Variants in GRM1 observed in about 807,000 individuals in gnomAD.
GRM1 encodes the protein glutamate metabotropic receptor 1, also known as metabotropic glutamate receptor 1.
GRM1 carries 33 observed loss-of-function variants against 90.9 expected under a neutral mutation model. That is an observed-to-expected ratio of 0.36 (90% CI 0.28 to 0.49). The LOEUF (loss-of-function observed/expected upper bound fraction) is 0.49, where lower values mean the gene tolerates loss of function less well. GRM1 is among the 20% of genes least tolerant of loss of function. The probability of loss-of-function intolerance (pLI) is 0.99; values close to 1 mark genes in which losing one functional copy is unlikely to be tolerated. For missense variants in GRM1, 1,190 were observed against 1,534.3 expected (o/e 0.78, Z 3.75); for synonymous variants, 700 against 613.2 (o/e 1.14, Z -2.09).
chr6:146,029,966 G>T lies in GRM1; in HGVS notation c.449G>T (p.Gly150Val). 1.2e-6 allele frequency: 2 copies of T among 1,614,156 alleles called. No individual in the cohort carries two copies. The highest frequency in any genetic ancestry group is 1.7e-6 in the Non-Finnish European group (2 of 1,180,024). The change falls in exon 1 of 8, where the codon GGC becomes GTC. Residue 150 changes from glycine to valine, a missense_variant. This residue lies in a region of GRM1 where 91 missense variants were observed against 95.6 expected (regional missense o/e 0.95). Coordinates refer to ENST00000282753, the MANE Select transcript of GRM1 (RefSeq NM_001278064.2). The stretch of plus-strand genomic sequence containing the variant: ...CCTGACGGCCAGTCCCTCCCCCCAG[G>T]CAGGACTAAGAAGCCCATTGCGGGA... ...CLPDGQSLPP[G>V]RTKKPIAGVI...
At chr6:146,267,737 T>A (rs1470945045) in intron 2 of GRM1, among the ~76,000 whole-genome samples, 1 of 150,746 alleles carries the variant, frequency 6.6e-6, no homozygotes, top group Non-Finnish European at 1.5e-5. Flanking sequence ...TCTCGTCTCG[T>A]CTCGTCTCGT....
chr6:146,089,196 G>A (rs1443588112), intron 1 of GRM1, among the ~76,000 whole-genome samples: 1 of 152,112 alleles, frequency 6.6e-6, no homozygotes, highest in Non-Finnish European at 1.5e-5. Flanking sequence ...ATCTGGCAAG[G>A]CACTGTGGAC....
Position 146,368,270 on chromosome 6 carries a change from G to C in GRM1, c.1602+10576G>C, listed in dbSNP as rs538905611. Among the ~76,000 whole-genome samples, 47 of 117,210 alleles carry C rather than the reference G, an allele frequency of 4.0e-4. 1 individual carries two copies. The highest frequency in any genetic ancestry group is 1.5e-3 in the Admixed American group (17 of 11,270). The allele number at this position is 117,210 out of a possible 152,430, so 76.9% of individuals were successfully genotyped here. A position where few individuals can be genotyped will look rare whatever the true frequency, so the allele number is the denominator to read the frequency against. On this transcript the variant is annotated intron_variant, in intron 5 of 7. Coordinates refer to ENST00000282753, the MANE Select transcript of GRM1 (RefSeq NM_001278064.2). ...TCTACAGTTTTTTTTTGGGGGGGGGGGTAGAATCTTTAGATTTTTCTAAAT... is the reference window on the plus strand; with the variant it reads ...TCTACAGTTTTTTTTTGGGGGGGGGCGTAGAATCTTTAGATTTTTCTAAAT...
intron 7 of GRM1, among the ~76,000 whole-genome samples, chr6:146,423,771 T>C (rs1047709750): frequency 3.9e-5 from 6 of 152,278 alleles, no homozygotes; most frequent in African/African-American, 1.2e-4. Context: ...CCCTTGTTTT[T>C]ATCATTAGAC....
Position 146,213,721 on chromosome 6 carries a change from T to TAGAG in GRM1, c.950+54127_950+54128insGAGA, listed in dbSNP as rs201951540. Among the ~76,000 whole-genome samples, 1,259 of 148,984 alleles carry TAGAG rather than the reference T, an allele frequency of 8.5e-3. 15 individuals are homozygous for TAGAG. The highest frequency in any genetic ancestry group is 0.021 in the Admixed American group (323 of 15,070). On this transcript the variant is annotated intron_variant, in intron 2 of 7. Coordinates refer to ENST00000282753, the MANE Select transcript of GRM1 (RefSeq NM_001278064.2). The stretch of plus-strand genomic sequence containing the variant: ...ATAGATAGATAGATAGATAGATAGA[T>TAGAG]AGATAGATAGATAGATGGATGAAAG...
At chr6:146,205,243 G>A (rs978558746) in intron 2 of GRM1, among the ~76,000 whole-genome samples, 8 of 152,064 alleles carry the variant, frequency 5.3e-5, no homozygotes, top group Non-Finnish European at 8.8e-5. Context: ...TTTCCACAAA[G>A]CTAATTTCTT....
intron 7 of GRM1, among the ~76,000 whole-genome samples, chr6:146,402,939 A>G (rs1777209646): frequency 6.6e-6 from 1 of 152,152 alleles, no homozygotes; most frequent in Non-Finnish European, 1.5e-5. Flanking sequence ...AGTTATTTAT[A>G]ATCAGAAGTC....
intron 2 of GRM1, among the ~76,000 whole-genome samples, chr6:146,225,589 T>G (rs999144254): frequency 6.6e-6 from 1 of 152,152 alleles, no homozygotes; most frequent in African/African-American, 2.4e-5. Flanking sequence ...TAAAATAGTT[T>G]CCCATTTTAA....
At chr6:146,232,591 C>T (rs939008203) in intron 2 of GRM1, among the ~76,000 whole-genome samples, 6 of 151,962 alleles carry the variant, frequency 3.9e-5, no homozygotes, top group African/African-American at 9.7e-5. Context: ...TGACTGTAGT[C>T]ACCCTGTTGT....
At chr6:146,150,890 T>A (rs1173867473) in intron 1 of GRM1, among the ~76,000 whole-genome samples, 5 of 151,892 alleles carry the variant, frequency 3.3e-5, no homozygotes, top group Non-Finnish European at 7.4e-5. Context: ...GTTTCACTAT[T>A]TATTGGCTGA....
At chr6:146,159,808 A>G (rs1583089790) in intron 2 of GRM1, 3 of 554,356 alleles carry the variant, frequency 5.4e-6, no homozygotes, top group East Asian at 6.4e-5. Context: ...CAACAGCAGA[A>G]CAAGGCTCAG....
rs1219633081 is a variant in GRM1 at position 146,313,826 on chromosome 6, T to A, written c.1186+8980T>A. Among the ~76,000 whole-genome samples the A allele has an allele frequency of 3.3e-5, 5 of 152,234 alleles. No homozygotes were observed. In the East Asian group the frequency reaches 9.6e-4, roughly 29 times the overall value. ...CTGAACATATTGCTTCTCAAATTCC[T>A]TTGTGCCTCATTGAAAATCCCTCTC... On this transcript the variant is annotated intron_variant, in intron 3 of 7. Coordinates refer to ENST00000282753, the MANE Select transcript of GRM1 (RefSeq NM_001278064.2).
At chr6:146,071,728 C>T (rs1019617862) in intron 1 of GRM1, among the ~76,000 whole-genome samples, 4 of 152,116 alleles carry the variant, frequency 2.6e-5, no homozygotes, top group African/African-American at 9.7e-5. Flanking sequence ...GACTGTGATA[C>T]AGTCATGATA....
At chr6:146,360,998 T>C (rs141772920) in intron 5 of GRM1, among the ~76,000 whole-genome samples, 2 of 152,304 alleles carry the variant, frequency 1.3e-5, no homozygotes, top group Non-Finnish European at 2.9e-5. Context: ...GGGAGAGGAA[T>C]GAAAGTGTTC....
At chr6:146,257,130 A>G (rs1393217692) in intron 2 of GRM1, among the ~76,000 whole-genome samples, 1 of 152,058 alleles carries the variant, frequency 6.6e-6, no homozygotes, top group East Asian at 1.9e-4. Context: ...CTCTATCCCC[A>G]TTCTGATATA....
chr6:146,392,460 A>G (rs1192928355), intron 6 of GRM1, among the ~76,000 whole-genome samples: 1 of 152,172 alleles, frequency 6.6e-6, no homozygotes, highest in Non-Finnish European at 1.5e-5. Context: ...ATCTTTTCAA[A>G]TATCTAAACT....
chr6:146,306,456 A>G (rs1404797759), intron 3 of GRM1, among the ~76,000 whole-genome samples: 1 of 152,084 alleles, frequency 6.6e-6, no homozygotes, highest in Non-Finnish European at 1.5e-5. Context: ...CTATTTTTAG[A>G]CTTAGTATTT....
rs535248311 is a variant in GRM1, at chr6:146,340,833, C to T, written c.1187-11417C>T. On this transcript the variant is annotated intron_variant, in intron 3 of 7. Transcript: ENST00000282753. The stretch of plus-strand genomic sequence containing the variant: ...TGCTGGGATTGCAGGCGTGAGCCAC[C>T]GCGCCCTGCCCCAAAGCCACATTTC... Among the ~76,000 whole-genome samples, 147 of 152,264 alleles carry T rather than the reference C, an allele frequency of 9.7e-4. 1 individual carries two copies. Among genetic ancestry groups the T allele is most frequent in the South Asian group, 2.1e-3 (10 of 4,812 alleles).
chr6:146,311,104 A>G (rs935994391), intron 3 of GRM1, among the ~76,000 whole-genome samples: 2 of 152,204 alleles, frequency 1.3e-5, no homozygotes, highest in African/African-American at 4.8e-5. Context: ...TTTTCCCATC[A>G]TAAGAAGAAT....
Sources: gnomAD v4.1 joint callset for allele counts (sites outside exome capture counted in the v4.1 genomes callset) on GRCh38, gnomAD v4.1.1 for gene constraint, gnomAD v4.1.1 regional missense constraint, MANE v1.5 for transcripts, NCBI Gene and HGNC (gene_info 2026-07-23, HGNC 2026-07-21) for gene names.